ABHD2: variants seen among roughly 807,000 people sequenced by gnomAD.
The protein encoded by ABHD2 is monoacylglycerol lipase ABHD2.
In ABHD2, 20 loss-of-function variants were observed where a neutral mutation model predicts 48.1. The ratio of observed to expected loss-of-function variants is 0.42; its 90% CI spans 0.29 to 0.60. The LOEUF (loss-of-function observed/expected upper bound fraction) is 0.60, where lower values mean the gene tolerates loss of function less well. Among genes scored for constraint, ABHD2 ranks in the 20% least tolerant of loss-of-function variants. The pLI is 0.24. For missense variants in ABHD2, 405 were observed against 550.9 expected (o/e 0.74, Z 2.65); for synonymous variants, 209 against 214.2 (o/e 0.98, Z 0.21).
intron 3 of ABHD2, among the ~76,000 whole-genome samples, chr15:89,134,854 A>C (rs1249004249): frequency 6.6e-6 from 1 of 152,146 alleles, no homozygotes; most frequent in African/African-American, 2.4e-5. Context: ...TCAAGTTTTG[A>C]GTATGGCTTA....
rs1035504699 is a variant in ABHD2, at chr15:89,164,269, G to T, written c.538+8735G>T. Among the ~76,000 whole-genome samples, 20 of 152,232 alleles carry T rather than the reference G, an allele frequency of 1.3e-4. No individual in the cohort carries two copies. Among genetic ancestry groups the T allele is most frequent in the Non-Finnish European group, 2.9e-5 (2 of 68,042 alleles). On this transcript the variant is annotated intron_variant, in intron 5 of 10. Coordinates refer to ENST00000352732, the MANE Select transcript of ABHD2 (RefSeq NM_152924.5). The surrounding 1 kb of genome is among the most constrained non-coding windows in gnomAD (Gnocchi z 5.0). ...CAGTCGGTCTAAGCTTATTGGCTAG[G>T]TTTGTCCAAAAGGAATATTTACCAA...
chr15:89,128,660 A>G (rs2050172886), intron 3 of ABHD2, among the ~76,000 whole-genome samples: 1 of 151,910 alleles, frequency 6.6e-6, no homozygotes, highest in African/African-American at 2.4e-5. Context: ...TTGTTTGCTA[A>G]TGGGTTTTGG....
At position 89,168,242 on chromosome 15, in the gene ABHD2, TG is replaced by T. The variant is rs971373330; in HGVS notation, c.539-7568del. On this transcript the variant is annotated intron_variant, in intron 5 of 10. Transcript: ENST00000352732. This position sits in a 1 kb window ranked among gnomAD's most constrained non-coding sequence, Gnocchi z 4.8. ...TTCCCAGCAAGTTGCCTTTCCAAAA[TG>T]GCCGTGCAATACTCATCTGTCTAAG... 2.6e-5 allele frequency among the ~76,000 whole-genome samples: 4 copies of T among 152,210 alleles called. No individual in the cohort carries two copies. The highest frequency in any genetic ancestry group is 7.2e-5 in the African/African-American group (3 of 41,448).
intron 3 of ABHD2, among the ~76,000 whole-genome samples, chr15:89,138,624 A>G (rs1379545406): frequency 6.6e-6 from 1 of 152,236 alleles, no homozygotes; most frequent in Non-Finnish European, 1.5e-5. Flanking sequence ...AACGAAAGAA[A>G]TGTTTTTTTT....
At chr15:89,143,544 G>A (rs2050440918) in intron 3 of ABHD2, among the ~76,000 whole-genome samples, 1 of 152,160 alleles carries the variant, frequency 6.6e-6, no homozygotes, top group Non-Finnish European at 1.5e-5. Flanking sequence ...GTGCATGCCT[G>A]TAATCCCAGC....
chr15:89,145,537 G>A (rs2050476885), intron 3 of ABHD2, among the ~76,000 whole-genome samples: 2 of 152,158 alleles, frequency 1.3e-5, no homozygotes, highest in Non-Finnish European at 1.5e-5. Context: ...GGGTATCAGG[G>A]CAGTAAAGAA....
the ABHD2 span, among the ~76,000 whole-genome samples, chr15:89,059,778 T>C: frequency 6.6e-6 from 1 of 152,260 alleles, no homozygotes; most frequent in Admixed American, 6.5e-5. Context: ...CAGACTCTAC[T>C]GTCAATGGGA....
chr15:89,188,204 T>C lies in ABHD2; in HGVS notation c.827T>C (p.Phe276Ser). The C allele has an allele frequency of 1.2e-6, 2 of 1,614,234 alleles. No individual in the cohort carries two copies. Among genetic ancestry groups the C allele is most frequent in the Non-Finnish European group, 1.7e-6 (2 of 1,180,020 alleles). Residue 276 changes from phenylalanine (F) to serine (S), a missense_variant, in exon 8 of 11, where the codon TTT becomes TCT. By Grantham distance (155) the Phe-to-Ser change is radical. Coordinates refer to ENST00000352732, the MANE Select transcript of ABHD2 (RefSeq NM_152924.5). This position sits in a 1 kb window ranked among gnomAD's most constrained non-coding sequence, Gnocchi z 4.1. ...KIILSHRQAL[F>S]GDHVKKPQSL... ...TGTGTTTGCTCTAGGCAAGCTCTTT[T>C]TGGAGACCATGTTAAGAAACCCCAG...
At position 89,138,048 on chromosome 15, in the gene ABHD2, G is replaced by A. The variant is rs145703101; in HGVS notation, c.195-13629G>A. Among the ~76,000 whole-genome samples, 5 of 152,362 alleles carry A rather than the reference G, an allele frequency of 3.3e-5. No individual in the cohort carries two copies. The East Asian group carries it at 9.6e-4, about 29-fold the overall frequency. On this transcript the variant is annotated intron_variant, in intron 3 of 10. Transcript: ENST00000352732. Reference sequence around the variant, plus strand: ...TGGCTTCAGGTCCACCAGGCTAGGGGTAGATAGGCCAGAAAAGAAACCAGA... The same window carrying A: ...TGGCTTCAGGTCCACCAGGCTAGGGATAGATAGGCCAGAAAAGAAACCAGA...
the ABHD2 span, among the ~76,000 whole-genome samples, chr15:89,065,539 C>T: frequency 1.8e-4 from 27 of 152,266 alleles, no homozygotes; most frequent in African/African-American, 6.5e-4. Context: ...CACTCCCTTC[C>T]TAAGAACAAA....
rs2049577763 is a variant in ABHD2 at position 89,094,364 on chromosome 15, AC to A, written c.-107+5802del. ...GTCATGTCAATGAGGGCAATAAAAA[AC>A]AAAAATCAGGAAGCCCAACATGGAT... On this transcript the variant is annotated intron_variant, in intron 1 of 10. Coordinates refer to ENST00000352732, the MANE Select transcript of ABHD2 (RefSeq NM_152924.5). This position sits in a 1 kb window ranked among gnomAD's most constrained non-coding sequence, Gnocchi z 4.7. 1 of 152,226 alleles carries A rather than the reference AC, an allele frequency of 6.6e-6. No individual in the cohort carries two copies. The highest frequency in any genetic ancestry group is 1.5e-5 in the Non-Finnish European group (1 of 68,048). 9.4% of individuals were successfully genotyped at this position (152,226 alleles called of 1,614,324 possible).
At chr15:89,110,037 T>C (rs944581550) in intron 1 of ABHD2, among the ~76,000 whole-genome samples, 1 of 152,190 alleles carries the variant, frequency 6.6e-6, no homozygotes, top group Non-Finnish European at 1.5e-5. Flanking sequence ...AAATACTGTA[T>C]TGCTTTTATT....
rs558399842 is a variant in ABHD2, at chr15:89,176,876, T to A, written c.722+881T>A. On this transcript the variant is annotated intron_variant, in intron 6 of 10. Transcript: ENST00000352732. This position sits in a 1 kb window ranked among gnomAD's most constrained non-coding sequence, Gnocchi z 4.5. Reference sequence around the variant, plus strand: ...CCAGTCTAATGCCAAACAGTCCTTATCGTTATTCAAAGAATCTTTTTGCCT... The same window carrying A: ...CCAGTCTAATGCCAAACAGTCCTTAACGTTATTCAAAGAATCTTTTTGCCT... 5.5e-4 allele frequency among the ~76,000 whole-genome samples: 84 copies of A among 152,312 alleles called. 1 individual carries two copies. In the South Asian group the frequency reaches 0.016, roughly 29 times the overall value.
intron 3 of ABHD2, among the ~76,000 whole-genome samples, chr15:89,144,442 G>C (rs560995474): frequency 6.6e-6 from 1 of 152,124 alleles, no homozygotes; most frequent in South Asian, 2.1e-4. Flanking sequence ...CTACCATTCA[G>C]TGTCTATAAC....
At position 89,176,666 on chromosome 15, in the gene ABHD2, G is replaced by A. The variant is rs1054018821; in HGVS notation, c.722+671G>A. Among the ~76,000 whole-genome samples, 33 of 151,932 alleles carry A rather than the reference G, an allele frequency of 2.2e-4. No homozygotes were observed. Among genetic ancestry groups the A allele is most frequent in the Admixed American group, 1.7e-3 (26 of 15,250 alleles). On this transcript the variant is annotated intron_variant, in intron 6 of 10. Coordinates refer to ENST00000352732, the MANE Select transcript of ABHD2 (RefSeq NM_152924.5). This position sits in a 1 kb window ranked among gnomAD's most constrained non-coding sequence, Gnocchi z 4.5. ...CTCTCAAGAGTCACCACACTCACAC[G>A]TTCACACACACATGCACACACTCAC...
At chr15:89,046,131 C>T in the ABHD2 span, among the ~76,000 whole-genome samples, 6 of 152,190 alleles carry the variant, frequency 3.9e-5, no homozygotes, top group Non-Finnish European at 7.4e-5. Context: ...TGTCAAAGGC[C>T]TTTTCTGCAT....
At chr15:89,073,517 G>A in the ABHD2 span, among the ~76,000 whole-genome samples, 4 of 148,720 alleles carry the variant, frequency 2.7e-5, no homozygotes, top group Middle Eastern at 3.4e-3. Context: ...GGCTGGTCTC[G>A]AACTCCTGAC....
At chr15:89,113,516 G>C (rs547822352) in intron 1 of ABHD2, among the ~76,000 whole-genome samples, 8 of 152,332 alleles carry the variant, frequency 5.3e-5, no homozygotes, top group Admixed American at 4.6e-4. Context: ...AGAAACCAGA[G>C]AGAGCCTGTC....
chr15:89,103,536 T>G (rs955124154), intron 1 of ABHD2, among the ~76,000 whole-genome samples: 3 of 152,188 alleles, frequency 2.0e-5, no homozygotes, highest in Non-Finnish European at 4.4e-5. Flanking sequence ...CCTGTGTCAT[T>G]CAGTTATATC....
Sources: allele counts gnomAD v4.1 joint callset (sites outside exome capture counted in the v4.1 genomes callset), GRCh38; gene constraint gnomAD v4.1.1; non-coding constraint Gnocchi (gnomAD v3.1); transcripts MANE v1.5; gene names NCBI Gene and HGNC (gene_info 2026-07-23, HGNC 2026-07-21).